The following GPR35 variants were observed in gnomAD, a reference collection of about 807,000 sequenced individuals.
The protein encoded by GPR35 is G protein-coupled receptor 35.
For synonymous variants in GPR35, 207 were observed against 198.4 expected, an observed-to-expected ratio of 1.04 and a Z score of -0.36; for missense variants, 372 against 422.5, an observed-to-expected ratio of 0.88 and a Z score of 1.05.
At chr2:240,617,460 A>C in intron 4 of GPR35, 2 of 543,210 alleles carry the variant, frequency 3.7e-6, no homozygotes, top group Non-Finnish European at 6.6e-6. Context: ...ATTAACCCTA[A>C]TGCTAGTTTC....
At chr2:240,616,378 C>A (rs963866393) in intron 2 of GPR35, 12 of 765,952 alleles carry the variant, frequency 1.6e-5, no homozygotes, top group Admixed American at 3.5e-5. Flanking sequence ...TCTCTCTATT[C>A]CCCTCCTAGG....
chr2:240,619,756 G>A (rs906006927), intron 5 of GPR35, among the ~76,000 whole-genome samples: 1 of 152,230 alleles, frequency 6.6e-6, no homozygotes, highest in African/African-American at 2.4e-5. Context: ...CCAACCGGAG[G>A]TCTCCCCAGA....
upstream of GPR35, among the ~76,000 whole-genome samples, chr2:240,622,392 G>A (rs1420800744): frequency 1.3e-5 from 2 of 152,190 alleles, no homozygotes; most frequent in Non-Finnish European, 2.9e-5. Context: ...CCAGGCTCCT[G>A]CTTCCCTGAC....
At chr2:240,621,834 C>G (rs2043299206), upstream of GPR35, among the ~76,000 whole-genome samples, 1 of 152,204 alleles carries the variant, frequency 6.6e-6, no homozygotes, top group African/African-American at 2.4e-5. Context: ...TGTGTAAAGA[C>G]TAAGCTAAAC....
At chr2:240,613,852 C>A (rs2043211656) in intron 2 of GPR35, among the ~76,000 whole-genome samples, 1 of 151,336 alleles carries the variant, frequency 6.6e-6, no homozygotes, top group Non-Finnish European at 1.5e-5. Flanking sequence ...TAACCCTAAC[C>A]AAAACTCTAA....
intron 1 of GPR35, among the ~76,000 whole-genome samples, chr2:240,625,833 C>A: frequency 1.1e-5 from 1 of 89,170 alleles, no homozygotes; most frequent in African/African-American, 4.4e-5. Flanking sequence ...TGATGGGTGT[C>A]TCAGAGTGGG....
exon 4 of GPR35, chr2:240,617,393 G>T: frequency 1.6e-6 from 1 of 618,372 alleles, no homozygotes; most frequent in South Asian, 1.9e-5. Flanking sequence ...TCATTTTAGA[G>T]GTAATTTTTT....
chr2:240,616,482 G>C, exon 3 of GPR35: 1 of 780,688 alleles, frequency 1.3e-6, no homozygotes, highest in Non-Finnish European at 2.4e-6. Context: ...TGTCGACTGC[G>C]AGTCAGCTCC....
At chr2:240,620,861 T>C (rs1387460932), upstream of GPR35, among the ~76,000 whole-genome samples, 1 of 152,220 alleles carries the variant, frequency 6.6e-6, no homozygotes, top group Non-Finnish European at 1.5e-5. Flanking sequence ...CTATACACTT[T>C]TATTATGGAA....
intron 2 of GPR35, among the ~76,000 whole-genome samples, chr2:240,612,822 G>T (rs1182361370): frequency 6.6e-6 from 1 of 152,224 alleles, no homozygotes; most frequent in Non-Finnish European, 1.5e-5. Context: ...GAGCGTGGGT[G>T]AGAACCGTGG....
upstream of GPR35, among the ~76,000 whole-genome samples, chr2:240,620,700 C>T (rs2043284086): frequency 6.6e-6 from 1 of 152,122 alleles, no homozygotes; most frequent in African/African-American, 2.4e-5. Flanking sequence ...GGAGGCTGAG[C>T]ACAGGGCGGG....
chr2:240,631,616 A>G lies in GPR35; in HGVS notation c.*734A>G, dbSNP rs1276319978. On this transcript the variant is annotated 3_prime_UTR_variant, in exon 2 of 2. Transcript: ENST00000407714. ...TGAAGGGGGTGGCCAGGGTCTGTCA[A>G]GGAACCCAGCCCTCTTCTCCTTCCT... Among the ~76,000 whole-genome samples the G allele has an allele frequency of 1.3e-5, 2 of 152,108 alleles. No homozygotes were observed. The highest frequency in any genetic ancestry group is 2.4e-5 in the African/African-American group (1 of 41,422).
In GPR35 at chr2:240,630,077, T is replaced by C; in HGVS notation, c.125T>C (p.Leu42Pro). The C allele has an allele frequency of 6.2e-7, 1 of 1,611,214 alleles. No homozygotes were observed. The highest frequency in any genetic ancestry group is 8.5e-7 in the Non-Finnish European group (1 of 1,179,924). The stretch of plus-strand genomic sequence containing the variant: ...GGCCTGCTGCTCAACAGCCTGGCGC[T>C]CTGGGTGTTCTGCTGCCGCATGCAG... Reference protein sequence around the residue: ...VLGLLLNSLALWVFCCRMQQW... With the variant: ...VLGLLLNSLAPWVFCCRMQQW... Residue 42 changes from leucine to proline, a missense_variant, in exon 2 of 2, where the codon CTC becomes CCC. Physicochemically the swap from Leu to Pro is moderately conservative, Grantham distance 98 (BLOSUM62 -3). Coordinates refer to ENST00000407714, the MANE Select transcript of GPR35 (RefSeq NM_005301.5).
intron 1 of GPR35, among the ~76,000 whole-genome samples, chr2:240,606,112 A>C (rs2043132622): frequency 6.6e-6 from 1 of 152,178 alleles, no homozygotes. Flanking sequence ...AGGTATAGCC[A>C]GTGTCCACAT....
chr2:240,608,366 C>A (rs1362011472), intron 2 of GPR35, among the ~76,000 whole-genome samples: 1 of 152,096 alleles, frequency 6.6e-6, no homozygotes, highest in East Asian at 1.9e-4. Flanking sequence ...AAAGTTTGGT[C>A]TTTTACCATT....
At position 240,630,040 on chromosome 2, in the gene GPR35, C is replaced by G. The variant is rs933148645; in HGVS notation, c.88C>G (p.Leu30Val). The G allele has an allele frequency of 1.9e-6, 3 of 1,612,736 alleles. No individual in the cohort carries two copies. Among genetic ancestry groups the G allele is most frequent in the Non-Finnish European group, 1.7e-6 (2 of 1,179,918 alleles). ...KLGFYAYLGV[L>V]LVLGLLLNSL... ...GGGCTTCTACGCCTACTTGGGCGTC[C>G]TGCTGGTGCTAGGCCTGCTGCTCAA... The change falls in exon 2 of 2, where the codon CTG becomes GTG. Residue 30 changes from leucine to valine, a missense_variant. Transcript: ENST00000407714.
At chr2:240,629,884 T>G (rs1575470464) in intron 1 of GPR35, 65 bp from the exon 2 acceptor site, 1 of 1,380,996 alleles carries the variant, frequency 7.2e-7, no homozygotes, top group Non-Finnish European at 1.0e-6. Flanking sequence ...GTGGGCAGAG[T>G]GGGGGCAGTG....
At chr2:240,615,137 A>G (rs1474032819) in intron 2 of GPR35, among the ~76,000 whole-genome samples, 1 of 152,016 alleles carries the variant, frequency 6.6e-6, no homozygotes, top group South Asian at 2.1e-4. Flanking sequence ...GTGTGTGTAC[A>G]CATACACGTG....
chr2:240,627,624 C>G (rs920567130), intron 1 of GPR35: 1 of 97,500 alleles, frequency 1.0e-5, no homozygotes, highest in African/African-American at 3.2e-5. Flanking sequence ...AGCTAATTTT[C>G]TGTCTTTTTT....
Sources: allele counts gnomAD v4.1 joint callset (sites outside exome capture counted in the v4.1 genomes callset), GRCh38; gene constraint gnomAD v4.1.1; transcripts MANE v1.5; gene names NCBI Gene and HGNC (gene_info 2026-07-23, HGNC 2026-07-21).